Variants in FAR2 observed in about 807,000 individuals in gnomAD.
The protein encoded by FAR2 is fatty acyl-CoA reductase 2.
FAR2 carries 19 observed loss-of-function variants against 56.0 expected under a neutral mutation model. The ratio of observed to expected loss-of-function variants is 0.34; its 90% confidence interval spans 0.24 to 0.50. FAR2 has a LOEUF of 0.50. Ranked by LOEUF, FAR2 falls within the 20% of genes least tolerant of loss-of-function variation. FAR2 has a pLI of 0.98. For missense variants in FAR2, 508 were observed against 642.2 expected (o/e 0.79, Z 2.26); for synonymous variants, 219 against 218.8 (o/e 1.00, Z -0.01).
chr12:29,181,397 A>G (rs1014504689), intron 1 of FAR2, among the ~76,000 whole-genome samples: 3 of 152,324 alleles, frequency 2.0e-5, no homozygotes, highest in East Asian at 1.9e-4. Context: ...AACATGTTCT[A>G]TGGAAAATAG....
chr12:29,217,302 T>C (rs1302412249), intron 1 of FAR2, among the ~76,000 whole-genome samples: 3 of 152,162 alleles, frequency 2.0e-5, no homozygotes, highest in African/African-American at 7.2e-5. Flanking sequence ...GAGACCTTTC[T>C]GAAGAAAGGA....
chr12:29,196,739 C>A (rs1349226813), intron 1 of FAR2, among the ~76,000 whole-genome samples: 2 of 152,056 alleles, frequency 1.3e-5, no homozygotes, highest in African/African-American at 2.4e-5. Flanking sequence ...AAAGCACAAT[C>A]AATGAAAACA....
chr12:29,234,435 T>C (rs10843353), intron 1 of FAR2, among the ~76,000 whole-genome samples: 59,794 of 151,558 alleles, frequency 0.39, 13,461 homozygotes, highest in Admixed American at 0.52. Flanking sequence ...GTTTTTGCCT[T>C]CTTCTTATTA....
intron 2 of FAR2, among the ~76,000 whole-genome samples, chr12:29,283,406 C>A (rs1366812943): frequency 6.6e-6 from 1 of 152,100 alleles, no homozygotes; most frequent in East Asian, 1.9e-4. Flanking sequence ...GAACAGTAAT[C>A]TTCTATCTTC....
At chr12:29,310,462 CT>C (rs1339315709) in intron 6 of FAR2, among the ~76,000 whole-genome samples, 1 of 151,890 alleles carries the variant, frequency 6.6e-6, no homozygotes, top group African/African-American at 2.4e-5. Flanking sequence ...AACTAAGATA[CT>C]GAATAAAAAG....
intron 10 of FAR2, among the ~76,000 whole-genome samples, chr12:29,326,292 G>T (rs1457756691): frequency 6.6e-6 from 1 of 152,218 alleles, no homozygotes; most frequent in Non-Finnish European, 1.5e-5. Context: ...TCCAGGACCA[G>T]ATGGATTCAC....
At chr12:29,236,587 T>G (rs999266362) in intron 1 of FAR2, among the ~76,000 whole-genome samples, 1 of 152,108 alleles carries the variant, frequency 6.6e-6, no homozygotes, top group African/African-American at 2.4e-5. Flanking sequence ...GAAAAACTAC[T>G]ATTTATAAAA....
At chr12:29,231,697 T>C (rs529366200) in intron 1 of FAR2, among the ~76,000 whole-genome samples, 1 of 152,346 alleles carries the variant, frequency 6.6e-6, no homozygotes, top group Admixed American at 6.5e-5. Flanking sequence ...ATAAGCCTTC[T>C]ATACGAAGAG....
At chr12:29,242,877 A>T (rs7137805) in intron 1 of FAR2, among the ~76,000 whole-genome samples, 2,113 of 152,304 alleles carry the variant, frequency 0.014, 43 homozygotes, top group African/African-American at 0.048. Context: ...TTTAAAAGCT[A>T]ATCTTTATAA....
intron 9 of FAR2, among the ~76,000 whole-genome samples, chr12:29,320,998 C>T (rs1303419325): frequency 5.3e-5 from 8 of 151,978 alleles, no homozygotes; most frequent in Admixed American, 5.2e-4. Flanking sequence ...TGCAGACTTA[C>T]CTAACAAAGA....
chr12:29,321,882 T>C lies in FAR2; in HGVS notation c.1215T>C (p.Asn405=). The part of the protein sequence containing the change: ...INRSWEWSTY[N]TEMLMSELSP... ...GGAGTTGGGAATGGAGCACGTACAA[T>C]ACAGAAATGCTGATGTCTGAGCTGA... is the stretch of plus-strand genomic sequence containing the variant. The change falls in exon 10 of 12, where the codon AAT becomes AAC. Residue 405 remains asparagine (N), a synonymous_variant. Coordinates refer to ENST00000536681, the MANE Select transcript of FAR2 (RefSeq NM_001271783.2). 1.2e-6 allele frequency: 2 copies of C among 1,613,774 alleles called. No homozygotes were observed. The highest frequency in any genetic ancestry group is 1.1e-5 in the South Asian group (1 of 91,080).
intron 11 of FAR2, 153 bp downstream of exon 11, chr12:29,332,880 T>A: frequency 1.3e-6 from 1 of 758,284 alleles, no homozygotes; most frequent in South Asian, 1.5e-5. Flanking sequence ...TAACACAGTT[T>A]CATTTAGACT....
At chr12:29,300,647 T>C (rs1949146943) in intron 4 of FAR2, among the ~76,000 whole-genome samples, 2 of 152,024 alleles carry the variant, frequency 1.3e-5, no homozygotes, top group African/African-American at 4.8e-5. Context: ...TTGTTGTTGT[T>C]GTTGTTGTTG....
intron 1 of FAR2, among the ~76,000 whole-genome samples, chr12:29,217,675 G>A (rs58527616): frequency 0.054 from 8,286 of 152,176 alleles, 262 homozygotes; most frequent in African/African-American, 0.081. Context: ...ACTCTCCCTA[G>A]CTGTCTAACA....
rs557589119 is a variant in FAR2 at position 29,236,769 on chromosome 12, C to A, written c.-38-33643C>A. On this transcript the variant is annotated intron_variant, in intron 1 of 11. Coordinates refer to ENST00000536681, the MANE Select transcript of FAR2 (RefSeq NM_001271783.2). ...GTGGGGACACAGAGCAAAATTATATCATTTCCTTTGGTAACTATGGGCCTT... is the reference window on the plus strand; with the variant it reads ...GTGGGGACACAGAGCAAAATTATATAATTTCCTTTGGTAACTATGGGCCTT... 2.6e-5 allele frequency among the ~76,000 whole-genome samples: 4 copies of A among 150,974 alleles called. No individual in the cohort carries two copies. In the South Asian group the frequency reaches 6.2e-4, roughly 23 times the overall value.
intron 1 of FAR2, among the ~76,000 whole-genome samples, chr12:29,178,521 G>A (rs7962453): frequency 0.66 from 99,709 of 152,092 alleles, 34,453 homozygotes; most frequent in Non-Finnish European, 0.76. Flanking sequence ...GCTTGAGCCT[G>A]GGACGTCGAG....
chr12:29,247,857 G>T (rs1948152689), intron 1 of FAR2, among the ~76,000 whole-genome samples: 1 of 152,044 alleles, frequency 6.6e-6, no homozygotes, highest in Non-Finnish European at 1.5e-5. Flanking sequence ...ATTAATCGTT[G>T]GTATGCTATT....
chr12:29,207,684 A>G (rs1947491834), intron 1 of FAR2, among the ~76,000 whole-genome samples: 1 of 152,032 alleles, frequency 6.6e-6, no homozygotes, highest in South Asian at 2.1e-4. Context: ...AACAGACTGG[A>G]TGGATGGATG....
intron 4 of FAR2, among the ~76,000 whole-genome samples, chr12:29,305,420 G>A (rs1046650769): frequency 6.6e-6 from 1 of 152,104 alleles, no homozygotes; most frequent in African/African-American, 2.4e-5. Flanking sequence ...TTACAGGTTT[G>A]AGTCACCGCA....
Sources: allele counts gnomAD v4.1 joint callset (sites outside exome capture counted in the v4.1 genomes callset), GRCh38; gene constraint gnomAD v4.1.1; transcripts MANE v1.5; gene names NCBI Gene and HGNC (gene_info 2026-07-23, HGNC 2026-07-21).